The following CD2AP variants were observed in gnomAD, a reference collection of about 807,000 sequenced individuals.
CD2AP encodes CD2-associated protein.
A neutral mutation model predicts 85.1 loss-of-function variants in CD2AP; 46 were observed. The ratio of observed to expected loss-of-function variants is 0.54; its 90% CI spans 0.43 to 0.69. The LOEUF is 0.69. CD2AP is among the 30% of genes least tolerant of loss of function. The pLI is 0.00. For synonymous variants in CD2AP, 255 were observed against 252.9 expected (o/e 1.01, Z -0.08); for missense variants, 769 against 729.5 (o/e 1.05, Z -0.62).
At chr6:47,493,788 AT>A (rs1765790069) in intron 1 of CD2AP, among the ~76,000 whole-genome samples, 1 of 151,542 alleles carries the variant, frequency 6.6e-6, no homozygotes, top group South Asian at 2.1e-4. Flanking sequence ...AGTTTGGAAA[AT>A]TTCTTTTGAC....
At chr6:47,484,792 C>A (rs1458692792) in intron 1 of CD2AP, among the ~76,000 whole-genome samples, 1 of 152,132 alleles carries the variant, frequency 6.6e-6, no homozygotes, top group East Asian at 1.9e-4. Flanking sequence ...AGCTTAGGTT[C>A]TTTTTGATGA....
chr6:47,527,618 A>T (rs1254873234), intron 2 of CD2AP, among the ~76,000 whole-genome samples: 1 of 152,196 alleles, frequency 6.6e-6, no homozygotes, highest in Non-Finnish European at 1.5e-5. Flanking sequence ...GAGGCTGCCC[A>T]GTAGAAGAAA....
At chr6:47,579,289 C>A in intron 8 of CD2AP, 96 bp from the exon 9 acceptor site, 2 of 737,690 alleles carry the variant, frequency 2.7e-6, no homozygotes, top group South Asian at 1.5e-5. Flanking sequence ...GAGTCATGAT[C>A]GCATCACTGC....
At chr6:47,580,338 G>C (rs1240633053) in intron 9 of CD2AP, among the ~76,000 whole-genome samples, 1 of 152,078 alleles carries the variant, frequency 6.6e-6, no homozygotes, top group African/African-American at 2.4e-5. Context: ...AAAAATGAGC[G>C]AATGTTTATA....
At chr6:47,545,857 C>T (rs1359129789) in intron 4 of CD2AP, among the ~76,000 whole-genome samples, 1 of 152,034 alleles carries the variant, frequency 6.6e-6, no homozygotes. Context: ...AGAAACTGAA[C>T]AGCCTTGAGC....
In CD2AP at chr6:47,534,375, A is replaced by G. The variant is rs80026675; in HGVS notation, c.319+620A>G. 7.9e-3 allele frequency among the ~76,000 whole-genome samples: 1,200 copies of G among 152,292 alleles called. 14 individuals carry two copies. Among genetic ancestry groups the G allele is most frequent in the African/African-American group, 0.027 (1,120 of 41,556 alleles). ...AACAAAACAAAAAACACCAGGTAAT[A>G]TTGCTGTTCTCAAAGAGCTTACATT... On this transcript the variant is annotated intron_variant, in intron 3 of 17. Coordinates refer to ENST00000359314, the MANE Select transcript of CD2AP (RefSeq NM_012120.3).
chr6:47,594,252 T>G (rs1768876597), intron 11 of CD2AP, among the ~76,000 whole-genome samples: 1 of 152,118 alleles, frequency 6.6e-6, no homozygotes, highest in Non-Finnish European at 1.5e-5. Context: ...CATTTTAGAA[T>G]TTTTAATTTT....
In CD2AP at chr6:47,548,941, A is replaced by G. The variant is rs182153004; in HGVS notation, c.420+4235A>G. On this transcript the variant is annotated intron_variant, in intron 4 of 17. Transcript: ENST00000359314. ...TATGATATGTCACATAAACAGAATTAAAAACAAAAATCACATGATCATCTC... is the reference window on the plus strand; with the variant it reads ...TATGATATGTCACATAAACAGAATTGAAAACAAAAATCACATGATCATCTC... Among the ~76,000 whole-genome samples, 133 of 152,338 alleles carry G rather than the reference A, an allele frequency of 8.7e-4. 1 individual carries two copies. In the South Asian group the frequency reaches 0.016, roughly 18 times the overall value.
chr6:47,532,125 C>G (rs746969235), intron 2 of CD2AP, among the ~76,000 whole-genome samples: 8 of 151,770 alleles, frequency 5.3e-5, no homozygotes, highest in Non-Finnish European at 1.0e-4. Context: ...ATCTGTAATA[C>G]TTTTATAATC....
chr6:47,564,171 G>A (rs1007257136), intron 5 of CD2AP, among the ~76,000 whole-genome samples: 104 of 152,220 alleles, frequency 6.8e-4, no homozygotes, highest in African/African-American at 2.2e-3. Flanking sequence ...CCAAAAACAC[G>A]TGGCTTAAAT....
chr6:47,580,524 C>T (rs925591638), intron 9 of CD2AP, among the ~76,000 whole-genome samples: 2 of 152,000 alleles, frequency 1.3e-5, no homozygotes, highest in Non-Finnish European at 2.9e-5. Flanking sequence ...ACAACCCCAG[C>T]TGCAAAAGAG....
intron 1 of CD2AP, among the ~76,000 whole-genome samples, chr6:47,488,860 C>T (rs1765644893): frequency 6.6e-6 from 1 of 152,040 alleles, no homozygotes; most frequent in Non-Finnish European, 1.5e-5. Context: ...CATTGCACTC[C>T]AGCCTGTGCA....
intron 4 of CD2AP, 119 bp from the exon 5 acceptor site, chr6:47,554,527 G>C (rs1245512408): frequency 4.4e-6 from 4 of 910,900 alleles, no homozygotes; most frequent in Non-Finnish European, 5.2e-6. Flanking sequence ...AAATTTTAAA[G>C]GGTTTATTTC....
Position 47,626,367 on chromosome 6 carries a change from A to G in CD2AP, c.*2140A>G, listed in dbSNP as rs1044885481. 2 of 152,326 alleles carry G rather than the reference A, an allele frequency of 1.3e-5. No homozygotes were observed. The highest frequency in any genetic ancestry group is 2.9e-5 in the Non-Finnish European group (2 of 67,858). 9.4% of individuals were successfully genotyped at this position (152,326 alleles called of 1,614,324 possible). On this transcript the variant is annotated 3_prime_UTR_variant, in exon 18 of 18. Coordinates refer to ENST00000359314, the MANE Select transcript of CD2AP (RefSeq NM_012120.3). ...TTCTAGCAACTTACTTTCTGTTGGTATGGGAAATGTTATTAATTTCTATTA... is the reference window on the plus strand; with the variant it reads ...TTCTAGCAACTTACTTTCTGTTGGTGTGGGAAATGTTATTAATTTCTATTA...
intron 1 of CD2AP, among the ~76,000 whole-genome samples, chr6:47,482,878 T>C (rs1181164690): frequency 6.6e-6 from 1 of 152,204 alleles, no homozygotes; most frequent in Admixed American, 6.5e-5. Flanking sequence ...ATGCTTACTT[T>C]AATGTATATA....
At chr6:47,543,148 CAAAAAAAAAAAAAA>C (rs11338409) in intron 3 of CD2AP, among the ~76,000 whole-genome samples, 3 of 60,332 alleles carry the variant, frequency 5.0e-5, no homozygotes, top group South Asian at 7.6e-4. Context: ...AAGACTGTCT[CAAAAAAAAAAAAAA>C]AAAAAAAAAA....
chr6:47,522,296 G>C (rs908811449), intron 2 of CD2AP, among the ~76,000 whole-genome samples: 1 of 152,186 alleles, frequency 6.6e-6, no homozygotes, highest in Non-Finnish European at 1.5e-5. Flanking sequence ...TTTATTCGCT[G>C]TACTTAAAAG....
intron 4 of CD2AP, 138 bp from the exon 5 acceptor site, chr6:47,554,508 T>G: frequency 4.0e-6 from 3 of 747,042 alleles, no homozygotes; most frequent in Non-Finnish European, 4.4e-6. Flanking sequence ...ATTTTCTTCA[T>G]TGTGTTTTAA....
intron 2 of CD2AP, among the ~76,000 whole-genome samples, chr6:47,515,021 C>T (rs1167437116): frequency 6.6e-6 from 1 of 151,198 alleles, no homozygotes; most frequent in African/African-American, 2.4e-5. Flanking sequence ...CACTGCACTC[C>T]AGCCTGGGTG....
Sources: allele counts gnomAD v4.1 joint callset (sites outside exome capture counted in the v4.1 genomes callset), GRCh38; gene constraint gnomAD v4.1.1; transcripts MANE v1.5; gene names NCBI Gene and HGNC (gene_info 2026-07-23, HGNC 2026-07-21).